Variants in ATRNL1 observed in about 807,000 individuals in gnomAD.
The protein encoded by ATRNL1 is attractin like 1, also known as attractin-like protein 1.
ATRNL1 carries 95 observed loss-of-function variants against 182.7 expected under a neutral mutation model. The observed-to-expected ratio is 0.52, with a 90% CI of 0.44 to 0.62. The LOEUF (loss-of-function observed/expected upper bound fraction) is 0.62, where lower values mean the gene tolerates loss of function less well. Ranked by LOEUF, ATRNL1 falls within the 20% of genes least tolerant of loss-of-function variation. The probability of loss-of-function intolerance (pLI) is 0.00; values close to 1 mark genes in which losing one functional copy is unlikely to be tolerated. For missense variants in ATRNL1, 1,471 were observed against 1,679.5 expected, an observed-to-expected ratio of 0.88 and a Z score of 2.17; for synonymous variants, 576 against 568.3, an observed-to-expected ratio of 1.01 and a Z score of -0.19.
intron 28 of ATRNL1, among the ~76,000 whole-genome samples, chr10:115,855,237 G>A (rs955653798): frequency 2.0e-5 from 3 of 152,060 alleles, no homozygotes; most frequent in Admixed American, 1.3e-4. Context: ...CTGAGTGTAG[G>A]TGTGGTCTGT....
chr10:115,888,157 C>T (rs554406689), intron 28 of ATRNL1, among the ~76,000 whole-genome samples: 30 of 152,176 alleles, frequency 2.0e-4, no homozygotes, highest in Non-Finnish European at 4.1e-4. Flanking sequence ...TTTGCTTTCT[C>T]CTTACCCTTC....
At chr10:115,176,938 T>C (rs1466313441) in intron 8 of ATRNL1, among the ~76,000 whole-genome samples, 1 of 151,908 alleles carries the variant, frequency 6.6e-6, no homozygotes, top group Non-Finnish European at 1.5e-5. Flanking sequence ...GGGCTGAAGG[T>C]GTAAATTTGG....
chr10:115,223,091 C>G (rs1487082997), intron 9 of ATRNL1, among the ~76,000 whole-genome samples: 2 of 152,048 alleles, frequency 1.3e-5, no homozygotes, highest in African/African-American at 4.8e-5. Context: ...ACCAGCCTGG[C>G]CAACATGCTG....
chr10:115,510,102 A>G (rs1850314067), intron 24 of ATRNL1, among the ~76,000 whole-genome samples: 1 of 152,108 alleles, frequency 6.6e-6, no homozygotes, highest in South Asian at 2.1e-4. Context: ...AATTGCTGCA[A>G]TGTAATGATA....
At chr10:115,641,780 G>A (rs7083621) in intron 26 of ATRNL1, among the ~76,000 whole-genome samples, 75,269 of 151,650 alleles carry the variant, frequency 0.5, 19,581 homozygotes, top group East Asian at 0.84. Context: ...ATATTCAGTC[G>A]TATCTATTGA....
chr10:115,313,558 A>T (rs1784719763), intron 17 of ATRNL1, among the ~76,000 whole-genome samples: 1 of 151,902 alleles, frequency 6.6e-6, no homozygotes, highest in Admixed American at 6.6e-5. Flanking sequence ...GCGTGTACTT[A>T]TTTATTTATT....
At chr10:115,832,209 A>G (rs1950576035) in intron 27 of ATRNL1, among the ~76,000 whole-genome samples, 2 of 152,218 alleles carry the variant, frequency 1.3e-5, no homozygotes, top group Admixed American at 1.3e-4. Flanking sequence ...TGGGTCAGAA[A>G]GCTATCAAAT....
rs138955806 is a variant in ATRNL1 at position 115,732,171 on chromosome 10, T to C, written c.3903+4816T>C. On this transcript the variant is annotated intron_variant, in intron 27 of 28. Coordinates refer to ENST00000355044, the MANE Select transcript of ATRNL1 (RefSeq NM_207303.4). ...ATAAACATGTTTACATTTTTTTGGG[T>C]ATATGCCTAAGGGTGGAATTGCTGG... Among the ~76,000 whole-genome samples the C allele has an allele frequency of 4.1e-3, 632 of 152,296 alleles. 4 individuals are homozygous for C. Among genetic ancestry groups the C allele is most frequent in the African/African-American group, 0.015 (618 of 41,572 alleles).
At chr10:115,512,004 C>A (rs1053910622) in intron 24 of ATRNL1, among the ~76,000 whole-genome samples, 2 of 151,460 alleles carry the variant, frequency 1.3e-5, no homozygotes, top group African/African-American at 2.4e-5. Context: ...AAATTATTAC[C>A]GAAGACAGAA....
intron 4 of ATRNL1, among the ~76,000 whole-genome samples, 153 bp downstream of exon 4, chr10:115,127,874 CAT>C (rs1564755643): frequency 1.3e-5 from 2 of 152,040 alleles, no homozygotes; most frequent in East Asian, 3.9e-4. Flanking sequence ...TCTTAAGTGA[CAT>C]AAAATCTTAA....
chr10:115,449,571 C>T (rs1847184938), intron 21 of ATRNL1, among the ~76,000 whole-genome samples: 1 of 152,178 alleles, frequency 6.6e-6, no homozygotes, highest in Non-Finnish European at 1.5e-5. Flanking sequence ...GACACTGTAA[C>T]ACATGCCCTC....
At chr10:115,228,495 A>G (rs1452806420) in intron 9 of ATRNL1, among the ~76,000 whole-genome samples, 1 of 152,154 alleles carries the variant, frequency 6.6e-6, no homozygotes, top group African/African-American at 2.4e-5. Flanking sequence ...TGTTTGTACA[A>G]CTTATAATGG....
intron 27 of ATRNL1, among the ~76,000 whole-genome samples, chr10:115,827,019 A>G (rs1555092201): frequency 6.6e-6 from 1 of 152,160 alleles, no homozygotes; most frequent in African/African-American, 2.4e-5. Context: ...TTCAAGTGTC[A>G]TACATCAAAA....
At chr10:115,621,193 A>G (rs533818587) in intron 26 of ATRNL1, among the ~76,000 whole-genome samples, 5 of 150,258 alleles carry the variant, frequency 3.3e-5, no homozygotes, top group Non-Finnish European at 7.4e-5. Flanking sequence ...GAAAGCCTGT[A>G]CATGTAAATC....
At chr10:115,278,396 G>A (rs932625706) in intron 13 of ATRNL1, among the ~76,000 whole-genome samples, 3 of 152,200 alleles carry the variant, frequency 2.0e-5, no homozygotes, top group Admixed American at 1.3e-4. Context: ...TGAACCAAGA[G>A]CTTCGGACAC....
intron 5 of ATRNL1, among the ~76,000 whole-genome samples, chr10:115,143,517 C>T (rs2143833795): frequency 6.6e-6 from 1 of 152,066 alleles, no homozygotes; most frequent in Non-Finnish European, 1.5e-5. Context: ...AACAAAATAC[C>T]ACAGATTAGG....
At chr10:115,321,339 A>G (rs1332984955) in intron 18 of ATRNL1, among the ~76,000 whole-genome samples, 2 of 151,984 alleles carry the variant, frequency 1.3e-5, no homozygotes, top group African/African-American at 4.8e-5. Context: ...TAATTTGTTT[A>G]CCTTAAAAGT....
chr10:115,606,263 C>CA (rs1281083655), intron 26 of ATRNL1, among the ~76,000 whole-genome samples: 2 of 151,928 alleles, frequency 1.3e-5, no homozygotes, highest in African/African-American at 4.8e-5. Context: ...TAGGAATGTA[C>CA]ATTTTCAGCA....
At chr10:115,870,702 C>T (rs115446762) in intron 28 of ATRNL1, among the ~76,000 whole-genome samples, 2,414 of 152,212 alleles carry the variant, frequency 0.016, 77 homozygotes, top group African/African-American at 0.055. Flanking sequence ...TTTTATGAAA[C>T]GCAGTAAAAC....
Sources: allele counts gnomAD v4.1 joint callset (sites outside exome capture counted in the v4.1 genomes callset), GRCh38; gene constraint gnomAD v4.1.1; transcripts MANE v1.5; gene names NCBI Gene and HGNC (gene_info 2026-07-23, HGNC 2026-07-21).